PCCA: variants seen among roughly 807,000 people sequenced by gnomAD.
PCCA encodes the protein propionyl-CoA carboxylase subunit alpha, also known as propionyl-CoA carboxylase alpha chain, mitochondrial.
A neutral mutation model predicts 101.3 loss-of-function variants in PCCA; 74 were observed. The ratio of observed to expected loss-of-function variants is 0.73; its 90% CI spans 0.61 to 0.89. PCCA has a LOEUF of 0.89. Among genes scored for constraint, PCCA ranks in the 40% least tolerant of loss-of-function variants. PCCA has a pLI of 0.00. For missense variants in PCCA, 891 were observed against 907.0 expected (o/e 0.98, Z 0.23); for synonymous variants, 294 against 313.6 (o/e 0.94, Z 0.66).
intron 19 of PCCA, among the ~76,000 whole-genome samples, chr13:100,396,132 T>G (rs2077036141): frequency 6.6e-6 from 1 of 152,206 alleles, no homozygotes; most frequent in African/African-American, 2.4e-5. Context: ...TTACCAGTTG[T>G]GTAAAGTTGG....
intron 4 of PCCA, among the ~76,000 whole-genome samples, chr13:100,115,884 G>A (rs1186575782): frequency 6.6e-6 from 1 of 152,096 alleles, no homozygotes; most frequent in African/African-American, 2.4e-5. Context: ...ACCCCACAAT[G>A]GAAGCAATTG....
At chr13:100,411,691 A>G (rs1292969) in intron 19 of PCCA, among the ~76,000 whole-genome samples, 19,193 of 152,118 alleles carry the variant, frequency 0.13, 3,912 homozygotes, top group African/African-American at 0.43. Flanking sequence ...GGTGTTTGGT[A>G]AGGACCCACT....
intron 19 of PCCA, among the ~76,000 whole-genome samples, chr13:100,415,193 C>T (rs2078283855): frequency 6.7e-6 from 1 of 148,340 alleles, no homozygotes; most frequent in South Asian, 2.1e-4. Flanking sequence ...TGCTTGAGGC[C>T]AGGAGATCGA....
In PCCA at chr13:100,474,502, T is replaced by C. The variant is rs559119999; in HGVS notation, c.1899+25197T>C. Among the ~76,000 whole-genome samples the C allele has an allele frequency of 1.3e-4, 19 of 150,734 alleles. 1 individual carries two copies. Among genetic ancestry groups the C allele is most frequent in the Admixed American group, 7.9e-4 (12 of 15,194 alleles). On this transcript the variant is annotated intron_variant, in intron 21 of 23. Transcript: ENST00000376285. ...TCTCTGTCTCTGTCTCTCTCTCATA[T>C]TGAGACAGGATCTCACTCTGTGGCC...
chr13:100,309,744 A>G, intron 15 of PCCA, 89 bp from the exon 16 acceptor site: 1 of 838,076 alleles, frequency 1.2e-6, no homozygotes. Flanking sequence ...GAAATCTGTT[A>G]TGAAATATTT....
chr13:100,272,396 C>G (rs2063362402), intron 11 of PCCA, among the ~76,000 whole-genome samples: 1 of 152,110 alleles, frequency 6.6e-6, no homozygotes, highest in Admixed American at 6.5e-5. Flanking sequence ...GTGGTTGATT[C>G]ATTAACAGTG....
intron 21 of PCCA, chr13:100,481,021 C>T (rs891514307): frequency 2.0e-5 from 3 of 152,236 alleles, no homozygotes; most frequent in African/African-American, 7.2e-5. Context: ...TTAGCCCACA[C>T]TGTGGCTGTA....
chr13:100,419,682 G>A (rs1301862770), intron 19 of PCCA, among the ~76,000 whole-genome samples: 1 of 152,336 alleles, frequency 6.6e-6, no homozygotes, highest in African/African-American at 2.4e-5. Flanking sequence ...GAGGCGAGAC[G>A]CCAGTGTAGA....
intron 4 of PCCA, among the ~76,000 whole-genome samples, chr13:100,141,274 A>G (rs2051837089): frequency 6.6e-6 from 1 of 151,832 alleles, no homozygotes; most frequent in African/African-American, 2.4e-5. Context: ...TCACATTTCC[A>G]CCATTTCGAA....
At chr13:100,388,886 A>G (rs2076660995) in intron 19 of PCCA, among the ~76,000 whole-genome samples, 1 of 152,234 alleles carries the variant, frequency 6.6e-6, no homozygotes. Context: ...TGAACAGTGG[A>G]GCCATCTGTT....
At chr13:100,260,368 A>T (rs1440608616) in intron 9 of PCCA, among the ~76,000 whole-genome samples, 1 of 146,506 alleles carries the variant, frequency 6.8e-6, no homozygotes, top group African/African-American at 2.5e-5. Context: ...GTACAAAAAC[A>T]AGCAAATTAG....
At chr13:100,114,493 C>T (rs934425100) in intron 4 of PCCA, among the ~76,000 whole-genome samples, 2 of 152,148 alleles carry the variant, frequency 1.3e-5, no homozygotes, top group Non-Finnish European at 2.9e-5. Flanking sequence ...GTCCCAGCTA[C>T]TTGGAGACTG....
At chr13:100,231,557 A>G (rs952020661) in intron 7 of PCCA, among the ~76,000 whole-genome samples, 3 of 152,190 alleles carry the variant, frequency 2.0e-5, no homozygotes, top group African/African-American at 7.2e-5. Flanking sequence ...AACATTTAAT[A>G]TTCTCAAAAT....
chr13:100,260,359 T>C (rs1226783157), intron 9 of PCCA, among the ~76,000 whole-genome samples: 1 of 150,070 alleles, frequency 6.7e-6, no homozygotes, highest in Non-Finnish European at 1.5e-5. Flanking sequence ...TGCAGTGTTG[T>C]ACAAAAACAA....
chr13:100,317,483 A>G (rs1289786371), intron 16 of PCCA, among the ~76,000 whole-genome samples: 1 of 152,134 alleles, frequency 6.6e-6, no homozygotes, highest in African/African-American at 2.4e-5. Context: ...TTGTCCATGA[A>G]TCTGCTATTT....
intron 6 of PCCA, among the ~76,000 whole-genome samples, chr13:100,185,496 C>A (rs2152436742): frequency 6.6e-6 from 1 of 151,976 alleles, no homozygotes; most frequent in South Asian, 2.1e-4. Context: ...ACCACAGGCA[C>A]AAGCCACCGT....
intron 19 of PCCA, among the ~76,000 whole-genome samples, chr13:100,401,723 C>T (rs2077376060): frequency 6.6e-6 from 1 of 152,128 alleles, no homozygotes; most frequent in Non-Finnish European, 1.5e-5. Flanking sequence ...CTACCAAAAC[C>T]AATATATATT....
chr13:100,286,175 A>G (rs1471037673), intron 12 of PCCA, among the ~76,000 whole-genome samples: 1 of 152,136 alleles, frequency 6.6e-6, no homozygotes, highest in African/African-American at 2.4e-5. Context: ...AAACAATTGC[A>G]CTGATCTATG....
intron 19 of PCCA, among the ~76,000 whole-genome samples, chr13:100,379,209 C>T (rs916694621): frequency 1.3e-5 from 2 of 151,920 alleles, no homozygotes; most frequent in Non-Finnish European, 2.9e-5. Context: ...TAAACAGTAT[C>T]GGTGGTATCT....
Sources: allele counts gnomAD v4.1 joint callset (sites outside exome capture counted in the v4.1 genomes callset), GRCh38; gene constraint gnomAD v4.1.1; transcripts MANE v1.5; gene names NCBI Gene and HGNC (gene_info 2026-07-23, HGNC 2026-07-21).